BNC2: variants seen among roughly 807,000 people sequenced by gnomAD.
BNC2 encodes zinc finger protein basonuclin-2.
Under a neutral mutation model 76.3 loss-of-function variants are expected in BNC2, and 20 were observed. The ratio of observed to expected loss-of-function variants is 0.26; its 90% CI spans 0.18 to 0.38. The LOEUF (loss-of-function observed/expected upper bound fraction) is 0.38. Ranked by LOEUF, BNC2 falls within the 10% of genes least tolerant of loss-of-function variation. The pLI, the probability that BNC2 is intolerant of heterozygous loss-of-function variation, is 1.00. For missense variants in BNC2, 1,382 were observed against 1,399.8 expected (o/e 0.99, Z 0.20); for synonymous variants, 582 against 514.8 (o/e 1.13, Z -1.77).
intron 5 of BNC2, among the ~76,000 whole-genome samples, chr9:16,492,413 A>G (rs991152273): frequency 2.0e-5 from 3 of 152,212 alleles, no homozygotes; most frequent in African/African-American, 7.2e-5. Context: ...ATTTTCAGCT[A>G]AAAATGCTTA....
intron 3 of BNC2, among the ~76,000 whole-genome samples, chr9:16,620,322 T>C (rs1820830110): frequency 1.3e-5 from 2 of 152,130 alleles, no homozygotes; most frequent in Admixed American, 1.3e-4. Context: ...GAAAGCTAAA[T>C]ACCACTGTAT....
chr9:16,700,727 A>C (rs915153003), intron 3 of BNC2, among the ~76,000 whole-genome samples: 8 of 152,186 alleles, frequency 5.3e-5, no homozygotes, highest in Non-Finnish European at 8.8e-5. Context: ...TGGGAGGCTG[A>C]TGCAGATGGA....
intron 5 of BNC2, among the ~76,000 whole-genome samples, chr9:16,525,838 A>G (rs1030071852): frequency 2.6e-5 from 4 of 152,218 alleles, no homozygotes; most frequent in Non-Finnish European, 5.9e-5. Flanking sequence ...TATTTCTAGA[A>G]CTATACCCCA....
chr9:16,536,336 A>G (rs1437537688), intron 5 of BNC2, among the ~76,000 whole-genome samples: 1 of 152,198 alleles, frequency 6.6e-6, no homozygotes, highest in Non-Finnish European at 1.5e-5. Flanking sequence ...ACTAAATTTA[A>G]TAAAAGTGGT....
intron 4 of BNC2, among the ~76,000 whole-genome samples, chr9:16,572,385 G>A (rs1397767750): frequency 6.6e-6 from 1 of 152,162 alleles, no homozygotes; most frequent in Admixed American, 6.5e-5. Context: ...TGTGGGCTGT[G>A]CTTATACCTT....
chr9:16,540,076 T>A (rs1818271048), intron 5 of BNC2, among the ~76,000 whole-genome samples: 1 of 151,714 alleles, frequency 6.6e-6, no homozygotes, highest in African/African-American at 2.4e-5. Flanking sequence ...TCATTTTTAT[T>A]AAAAATTAAC....
chr9:16,560,266 G>GT (rs1222558260), intron 4 of BNC2, among the ~76,000 whole-genome samples: 18 of 152,190 alleles, frequency 1.2e-4, no homozygotes, highest in African/African-American at 4.3e-4. Context: ...TCTAAAGAAT[G>GT]TAACACTTGC....
At chr9:16,816,447 T>C (rs1011543483) in intron 1 of BNC2, among the ~76,000 whole-genome samples, 1 of 152,164 alleles carries the variant, frequency 6.6e-6, no homozygotes, top group South Asian at 2.1e-4. Context: ...AATACCAAGC[T>C]GGGCAGCCTT....
intron 3 of BNC2, among the ~76,000 whole-genome samples, chr9:16,606,623 C>G (rs1242223945): frequency 1.3e-5 from 2 of 151,896 alleles, no homozygotes; most frequent in African/African-American, 4.8e-5. Flanking sequence ...ACCTCCACCC[C>G]ACAACGTTCA....
In BNC2 at chr9:16,461,160, T is replaced by C. The variant is rs142535107; in HGVS notation, c.670-23636A>G. On this transcript the variant is annotated intron_variant, in intron 5 of 6. Transcript: ENST00000380672. Reference sequence around the variant, plus strand: ...AGATTCTTTATCATAAATAACAGAATAAATTTTCGGAACATTTTACATGTG... The same window carrying C: ...AGATTCTTTATCATAAATAACAGAACAAATTTTCGGAACATTTTACATGTG... Among the ~76,000 whole-genome samples the C allele has an allele frequency of 4.6e-5, 7 of 152,318 alleles. No individual in the cohort carries two copies. The East Asian group carries it at 9.6e-4, about 21-fold the overall frequency.
chr9:16,836,969 T>G (rs2136064149), intron 1 of BNC2, among the ~76,000 whole-genome samples: 1 of 152,266 alleles, frequency 6.6e-6, no homozygotes, highest in South Asian at 2.1e-4. Context: ...TCAACATATG[T>G]TACAATATTT....
chr9:16,649,901 C>G (rs1004450582), intron 3 of BNC2, among the ~76,000 whole-genome samples: 1 of 152,156 alleles, frequency 6.6e-6, no homozygotes, highest in Non-Finnish European at 1.5e-5. Context: ...TATGGAGACA[C>G]AGAGGCCTTC....
At chr9:16,576,720 A>T (rs1819495507) in intron 4 of BNC2, among the ~76,000 whole-genome samples, 1 of 152,196 alleles carries the variant, frequency 6.6e-6, no homozygotes, top group Non-Finnish European at 1.5e-5. Flanking sequence ...TAAATGTAGG[A>T]CTGATATAAT....
chr9:16,646,839 A>C (rs1300870101), intron 3 of BNC2, among the ~76,000 whole-genome samples: 1 of 152,194 alleles, frequency 6.6e-6, no homozygotes, highest in African/African-American at 2.4e-5. Context: ...AGGGTATGAG[A>C]TATTGTAACA....
intron 1 of BNC2, among the ~76,000 whole-genome samples, chr9:16,799,516 T>C (rs759006166): frequency 6.6e-6 from 1 of 152,112 alleles, no homozygotes; most frequent in Non-Finnish European, 1.5e-5. Context: ...GGTTTCACTA[T>C]GTTGGCCAGG....
intron 3 of BNC2, among the ~76,000 whole-genome samples, chr9:16,720,851 C>T (rs1231045791): frequency 6.6e-6 from 1 of 152,116 alleles, no homozygotes; most frequent in African/African-American, 2.4e-5. Context: ...GATCTCTGCA[C>T]TTCGTGGCAT....
At chr9:16,786,997 T>C (rs1036792733) in intron 1 of BNC2, among the ~76,000 whole-genome samples, 14 of 152,082 alleles carry the variant, frequency 9.2e-5, no homozygotes, top group Non-Finnish European at 1.6e-4. Flanking sequence ...CGAGTAACAG[T>C]GATTCCAGGC....
chr9:16,699,262 A>T lies in BNC2; in HGVS notation c.330+28535T>A, dbSNP rs988351222. ...ATGCAACAAAAAAGTCCCTTATAGA[A>T]GCATGCATGGGTTAGGAGGAGGAAG... On this transcript the variant is annotated intron_variant, in intron 3 of 6. Transcript: ENST00000380672. 8.6e-6 allele frequency: 4 copies of T among 467,718 alleles called. No homozygotes were observed. The East Asian group carries it at 2.1e-4, about 24-fold the overall frequency. 29.0% of individuals were successfully genotyped at this position (467,718 alleles called of 1,614,324 possible).
rs115505686 is a variant in BNC2 at position 16,735,896 on chromosome 9, A to G, written c.129+2464T>C. 2.3e-3 allele frequency among the ~76,000 whole-genome samples: 357 copies of G among 152,178 alleles called. 4 individuals carry two copies. The highest frequency in any genetic ancestry group is 8.2e-3 in the African/African-American group (342 of 41,526). On this transcript the variant is annotated intron_variant, in intron 2 of 6. Transcript: ENST00000380672. ...TAAAGGTGTCATAATAATGGTTTAA[A>G]TTACTGTCAGAAAAGAAGATTGAGA...
Sources: gnomAD v4.1 joint callset for allele counts (sites outside exome capture counted in the v4.1 genomes callset) on GRCh38, gnomAD v4.1.1 for gene constraint, MANE v1.5 for transcripts, NCBI Gene and HGNC (gene_info 2026-07-23, HGNC 2026-07-21) for gene names.